The following XIRP2 variants were observed in gnomAD, a reference collection of about 807,000 sequenced individuals.
XIRP2 encodes xin actin binding repeat containing 2, also known as xin actin-binding repeat-containing protein 2.
In XIRP2, 236 loss-of-function variants were observed where a neutral mutation model predicts 277.0. The observed-to-expected ratio is 0.85, with a 90% CI of 0.77 to 0.95. XIRP2 has a LOEUF of 0.95. XIRP2 is among the 40% of genes least tolerant of loss of function. The probability of loss-of-function intolerance (pLI) is 0.00; values close to 1 mark genes in which losing one functional copy is unlikely to be tolerated. For missense variants in XIRP2, 4,640 were observed against 4,157.5 expected (o/e 1.12, Z -3.19); for synonymous variants, 1,490 against 1,416.5 (o/e 1.05, Z -1.17).
At chr2:167,152,721 T>A (rs1469347919) in intron 3 of XIRP2, among the ~76,000 whole-genome samples, 1 of 151,990 alleles carries the variant, frequency 6.6e-6, no homozygotes, top group Non-Finnish European at 1.5e-5. Context: ...AAAACCTCAA[T>A]GCTAGACAGG....
chr2:166,986,985 GA>G (rs1216701931), intron 2 of XIRP2, among the ~76,000 whole-genome samples: 1 of 152,052 alleles, frequency 6.6e-6, no homozygotes, highest in East Asian at 1.9e-4. Flanking sequence ...GTCAGGCATA[GA>G]AATCACTGAA....
chr2:167,258,210 A>G lies in XIRP2; in HGVS notation c.*393A>G, dbSNP rs1435822235. ...AAGAAAACCTTACCCTTTGAGGAAG[A>G]GCTCAAAATGAGTAAACCTAAGTGG... is the stretch of plus-strand genomic sequence containing the variant. On this transcript the variant is annotated 3_prime_UTR_variant, in exon 11 of 11. Coordinates refer to ENST00000409195, the MANE Select transcript of XIRP2 (RefSeq NM_152381.6). The G allele has an allele frequency of 8.1e-6, 13 of 1,613,054 alleles. No homozygotes were observed. The highest frequency in any genetic ancestry group is 1.1e-5 in the Non-Finnish European group (13 of 1,179,554).
intron 2 of XIRP2, among the ~76,000 whole-genome samples, chr2:166,928,303 T>C (rs1170710626): frequency 6.6e-6 from 1 of 152,110 alleles, no homozygotes; most frequent in Non-Finnish European, 1.5e-5. Context: ...GCCATAGTCA[T>C]GTGTTATAAG....
At chr2:166,912,519 T>C (rs1684738381) in intron 2 of XIRP2, among the ~76,000 whole-genome samples, 2 of 152,228 alleles carry the variant, frequency 1.3e-5, no homozygotes, top group Admixed American at 6.5e-5. Context: ...CTAATCTTTT[T>C]TCAAGGTTTT....
intron 2 of XIRP2, among the ~76,000 whole-genome samples, chr2:167,013,220 C>A (rs1220559131): frequency 6.6e-6 from 1 of 151,276 alleles, no homozygotes; most frequent in Non-Finnish European, 1.5e-5. Context: ...GACTTTCATG[C>A]AAATATATGA....
intron 2 of XIRP2, among the ~76,000 whole-genome samples, chr2:166,939,206 G>A (rs1439181028): frequency 6.6e-6 from 1 of 152,050 alleles, no homozygotes; most frequent in Admixed American, 6.5e-5. Flanking sequence ...TTACAATTTG[G>A]CATGTTTTTG....
intron 3 of XIRP2, among the ~76,000 whole-genome samples, chr2:167,155,788 G>A (rs909706375): frequency 1.3e-5 from 2 of 151,800 alleles, no homozygotes; most frequent in Non-Finnish European, 2.9e-5. Context: ...ATTGAATTAG[G>A]AAAAGAGGAA....
chr2:167,094,161 GTTGT>G (rs201035315), intron 2 of XIRP2, among the ~76,000 whole-genome samples: 4,757 of 152,152 alleles, frequency 0.031, 84 homozygotes, highest in East Asian at 0.049. Flanking sequence ...ACTTGATGGG[GTTGT>G]TTGTTTTTTT....
intron 2 of XIRP2, among the ~76,000 whole-genome samples, chr2:166,917,172 A>G (rs1684906815): frequency 6.6e-6 from 1 of 152,200 alleles, no homozygotes. Context: ...TACATCTGAC[A>G]ACACCTTCGT....
At chr2:167,005,309 C>G (rs928094425) in intron 2 of XIRP2, among the ~76,000 whole-genome samples, 2 of 151,794 alleles carry the variant, frequency 1.3e-5, no homozygotes, top group Non-Finnish European at 2.9e-5. Context: ...CCTAGGACAT[C>G]TTTTATCTGT....
chr2:167,233,227 TG>T (rs1323477353), intron 5 of XIRP2, among the ~76,000 whole-genome samples: 1 of 151,770 alleles, frequency 6.6e-6, no homozygotes. Flanking sequence ...TATTTGTGAG[TG>T]TAGTGAGGAA....
At chr2:166,890,068 T>A (rs1364162664) in intron 1 of XIRP2, among the ~76,000 whole-genome samples, 2 of 151,204 alleles carry the variant, frequency 1.3e-5, no homozygotes, top group Non-Finnish European at 3.0e-5. Flanking sequence ...TGATCTCGGC[T>A]CACTGCAACG....
At chr2:166,932,474 G>A (rs1318644131) in intron 2 of XIRP2, among the ~76,000 whole-genome samples, 2 of 151,960 alleles carry the variant, frequency 1.3e-5, no homozygotes, top group African/African-American at 2.4e-5. Flanking sequence ...TCAGCTGAAC[G>A]AAAGTGCTTG....
intron 2 of XIRP2, among the ~76,000 whole-genome samples, chr2:167,016,758 G>T (rs1466738431): frequency 6.6e-6 from 1 of 151,890 alleles, no homozygotes; most frequent in Non-Finnish European, 1.5e-5. Context: ...AAGGAAAGAG[G>T]TAAGGAAGGA....
intron 2 of XIRP2, among the ~76,000 whole-genome samples, chr2:166,995,532 A>T (rs1179372595): frequency 6.6e-6 from 1 of 152,212 alleles, no homozygotes; most frequent in African/African-American, 2.4e-5. Flanking sequence ...AAGGTTCTTG[A>T]TAATATTTGT....
rs1372381442 is a variant in XIRP2, at chr2:167,239,942, A to G, written c.946A>G (p.Ile316Val). 2 of 1,602,650 alleles carry G rather than the reference A, an allele frequency of 1.2e-6. No individual in the cohort carries two copies. Among genetic ancestry groups the G allele is most frequent in the Admixed American group, 3.5e-5 (2 of 56,582 alleles). ...NEQEGSKVQK[I>V]DVHGTEMVSH... is the part of the protein sequence containing the mutation. ...ACAAGAAGGGTCCAAAGTACAGAAA[A>G]TTGATGTTCATGGAACAGAAATGGT... is the stretch of plus-strand genomic sequence containing the variant. Residue 316 changes from isoleucine to valine, a missense_variant, in exon 6 of 11, where the codon ATT becomes GTT. Physicochemically the swap from Ile to Val is conservative, Grantham distance 29 (BLOSUM62 3). Transcript: ENST00000409195.
At chr2:167,237,766 C>G (rs995245824) in intron 5 of XIRP2, among the ~76,000 whole-genome samples, 1 of 152,128 alleles carries the variant, frequency 6.6e-6, no homozygotes, top group African/African-American at 2.4e-5. Context: ...GCACATTCTC[C>G]TTTGCTACTT....
In XIRP2 at chr2:167,249,956, A is replaced by G; in HGVS notation, c.8564A>G (p.Gln2855Arg). The G allele has an allele frequency of 6.2e-7, 1 of 1,613,626 alleles. No homozygotes were observed. The highest frequency in any genetic ancestry group is 1.1e-5 in the South Asian group (1 of 91,070). Residue 2855 changes from glutamine (Q) to arginine (R), a missense_variant, in exon 9 of 11, where the codon CAA (glutamine) becomes CGA (arginine). Coordinates refer to ENST00000409195, the MANE Select transcript of XIRP2 (RefSeq NM_152381.6). ...KNKSAPKVVK[Q>R]KVIDAHLDSQ... ...AAATCAGCACCAAAGGTCGTCAAGC[A>G]AAAGGTTATCGATGCACATCTTGAT...
intron 2 of XIRP2, among the ~76,000 whole-genome samples, chr2:167,088,722 C>T (rs952079935): frequency 3.3e-5 from 5 of 152,166 alleles, no homozygotes; most frequent in African/African-American, 1.2e-4. Context: ...CTAGCACATG[C>T]TCCTTGCTTT....
Sources: allele counts gnomAD v4.1 joint callset (sites outside exome capture counted in the v4.1 genomes callset), GRCh38; gene constraint gnomAD v4.1.1; transcripts MANE v1.5; gene names NCBI Gene and HGNC (gene_info 2026-07-23, HGNC 2026-07-21).